Variants in BANK1 observed in about 807,000 individuals in gnomAD.
The protein encoded by BANK1 is B cell scaffold protein with ankyrin repeats 1, also known as B-cell scaffold protein with ankyrin repeats.
BANK1 carries 95 observed loss-of-function variants against 94.5 expected under a neutral mutation model. That is an observed-to-expected ratio of 1.00 (90% CI 0.85 to 1.19). The LOEUF (loss-of-function observed/expected upper bound fraction) is 1.19, where lower values mean the gene tolerates loss of function less well. BANK1 is among the 50% of genes most tolerant of loss of function. BANK1 has a pLI of 0.00. For synonymous variants in BANK1, 334 were observed against 308.4 expected (o/e 1.08, Z -0.87); for missense variants, 987 against 932.2 (o/e 1.06, Z -0.77).
intron 4 of BANK1, among the ~76,000 whole-genome samples, chr4:101,867,665 A>G (rs1007129453): frequency 5.3e-5 from 8 of 151,926 alleles, no homozygotes; most frequent in African/African-American, 1.9e-4. Flanking sequence ...TTAAAAATGT[A>G]TATTTCAAAC....
At chr4:101,825,671 C>T (rs1726336764) in intron 1 of BANK1, among the ~76,000 whole-genome samples, 1 of 151,972 alleles carries the variant, frequency 6.6e-6, no homozygotes, top group African/African-American at 2.4e-5. Context: ...AACTGCTTAG[C>T]AACATGCCTG....
chr4:101,898,293 A>G (rs754897055), intron 6 of BANK1, among the ~76,000 whole-genome samples: 2 of 151,920 alleles, frequency 1.3e-5, no homozygotes, highest in Non-Finnish European at 2.9e-5. Flanking sequence ...TGTGTTTCAT[A>G]ATGTTCAAGT....
At chr4:101,885,491 C>T (rs1728819019) in intron 5 of BANK1, among the ~76,000 whole-genome samples, 1 of 152,174 alleles carries the variant, frequency 6.6e-6, no homozygotes, top group Non-Finnish European at 1.5e-5. Flanking sequence ...TTTTCCAGTT[C>T]CCCCTTTATT....
rs1469284178 is a variant in BANK1 at position 102,007,126 on chromosome 4, A to G, written c.1207-14388A>G. 1.6e-4 allele frequency among the ~76,000 whole-genome samples: 11 copies of G among 67,988 alleles called. 3 individuals are homozygous for G. The highest frequency in any genetic ancestry group is 2.2e-4 in the Non-Finnish European group (8 of 35,742). 44.6% of individuals were successfully genotyped at this position (67,988 alleles called of 152,430 possible). ...ATATATATATAAATATATATTTTAT[A>G]TATATATAAAAAATATATTTTATAT... On this transcript the variant is annotated intron_variant, in intron 7 of 16. Coordinates refer to ENST00000322953, the MANE Select transcript of BANK1 (RefSeq NM_017935.5).
chr4:101,812,275 GTC>G (rs1166360819), intron 1 of BANK1, among the ~76,000 whole-genome samples: 15 of 151,910 alleles, frequency 9.9e-5, no homozygotes, highest in African/African-American at 3.6e-4. Context: ...ATTTTTAAGT[GTC>G]TGTTGCTGAT....
Position 101,957,054 on chromosome 4 carries a change from C to T in BANK1, c.1206+38865C>T, listed in dbSNP as rs562238420. Among the ~76,000 whole-genome samples, 18 of 152,262 alleles carry T rather than the reference C, an allele frequency of 1.2e-4. 1 individual carries two copies. Among genetic ancestry groups the T allele is most frequent in the African/African-American group, 3.6e-4 (15 of 41,556 alleles). On this transcript the variant is annotated intron_variant, in intron 7 of 16. Coordinates refer to ENST00000322953, the MANE Select transcript of BANK1 (RefSeq NM_017935.5). ...TTTTTATTTTCCTATGATAGTATAG[C>T]GAGTGAATCCATTCCCTTCTATCAG...
At chr4:101,823,359 A>G (rs1385564625) in intron 1 of BANK1, among the ~76,000 whole-genome samples, 1 of 152,244 alleles carries the variant, frequency 6.6e-6, no homozygotes, top group Non-Finnish European at 1.5e-5. Context: ...GAATATATAT[A>G]CTTACCTTTG....
chr4:101,980,609 CT>C (rs1437460557), intron 7 of BANK1, among the ~76,000 whole-genome samples: 1 of 151,656 alleles, frequency 6.6e-6, no homozygotes, highest in Non-Finnish European at 1.5e-5. Flanking sequence ...TTAGAAAAAC[CT>C]TGTGTATTTA....
intron 4 of BANK1, among the ~76,000 whole-genome samples, chr4:101,864,570 C>T (rs1321736046): frequency 6.6e-6 from 1 of 152,158 alleles, no homozygotes; most frequent in Non-Finnish European, 1.5e-5. Flanking sequence ...GTGTTAGATG[C>T]AGGTGTGATA....
At chr4:101,920,032 C>A (rs1313834845) in intron 7 of BANK1, among the ~76,000 whole-genome samples, 3 of 151,958 alleles carry the variant, frequency 2.0e-5, no homozygotes, top group Admixed American at 1.3e-4. Context: ...GAAGTCATAT[C>A]TTCTGAGTGA....
chr4:101,975,799 A>G (rs1481444390), intron 7 of BANK1, among the ~76,000 whole-genome samples: 1 of 152,140 alleles, frequency 6.6e-6, no homozygotes, highest in Non-Finnish European at 1.5e-5. Context: ...GATGTGGCAA[A>G]TGATCAATCA....
chr4:102,022,891 T>G (rs575526099), intron 8 of BANK1, among the ~76,000 whole-genome samples: 7 of 152,340 alleles, frequency 4.6e-5, no homozygotes, highest in African/African-American at 1.7e-4. Context: ...ATTTGCACTT[T>G]CTATTCCTTC....
intron 2 of BANK1, among the ~76,000 whole-genome samples, chr4:101,846,745 C>T (rs1378387455): frequency 6.6e-6 from 1 of 152,084 alleles, no homozygotes; most frequent in Non-Finnish European, 1.5e-5. Flanking sequence ...GGAAACCACC[C>T]CCGTGATCTA....
intron 2 of BANK1, among the ~76,000 whole-genome samples, chr4:101,841,815 C>G (rs1295196127): frequency 7.1e-6 from 1 of 140,144 alleles, no homozygotes; most frequent in Non-Finnish European, 1.5e-5. Context: ...GCAATGTTCC[C>G]CTTCCTGTGT....
rs199754423 is a variant in BANK1 at position 101,950,066 on chromosome 4, T to C, written c.1206+31877T>C. ...GTGTGTGTGTGTGTGTGTGTGCGCG[T>C]GCGCGCGCATGTGCCTACACAAATG... On this transcript the variant is annotated intron_variant, in intron 7 of 16. Coordinates refer to ENST00000322953, the MANE Select transcript of BANK1 (RefSeq NM_017935.5). Among the ~76,000 whole-genome samples, 918 of 121,940 alleles carry C rather than the reference T, an allele frequency of 7.5e-3. 6 individuals carry two copies. Among genetic ancestry groups the C allele is most frequent in the Admixed American group, 0.014 (180 of 12,830 alleles). 80.0% of individuals were successfully genotyped at this position (121,940 alleles called of 152,430 possible). A position where few individuals can be genotyped will look rare whatever the true frequency, so the allele number is the denominator to read the frequency against.
intron 7 of BANK1, among the ~76,000 whole-genome samples, chr4:101,949,344 C>T (rs1305685021): frequency 6.6e-6 from 1 of 152,096 alleles, no homozygotes; most frequent in African/African-American, 2.4e-5. Flanking sequence ...AACCAATACA[C>T]AAGGACAGAA....
chr4:102,004,114 A>C (rs984536134), intron 7 of BANK1, among the ~76,000 whole-genome samples: 6 of 152,026 alleles, frequency 3.9e-5, no homozygotes, highest in African/African-American at 1.4e-4. Context: ...TTTATCATCT[A>C]TCTGCCCTCC....
Position 102,074,538 on chromosome 4 carries a change from A to G in BANK1, c.*539A>G, listed in dbSNP as rs1444780375. The G allele has an allele frequency of 6.6e-6, 1 of 152,046 alleles. No homozygotes were observed. The highest frequency in any genetic ancestry group is 2.4e-5 in the African/African-American group (1 of 41,442). 9.4% of individuals were successfully genotyped at this position (152,046 alleles called of 1,614,324 possible). ...CTTATTTAGTGTCTATTTGCATATA[A>G]CCCTGAAAACATTATTATTTGAAAA... On this transcript the variant is annotated 3_prime_UTR_variant, in exon 17 of 17. Transcript: ENST00000322953.
intron 2 of BANK1, among the ~76,000 whole-genome samples, chr4:101,849,630 T>G (rs981913383): frequency 3.3e-5 from 5 of 152,082 alleles, no homozygotes; most frequent in Admixed American, 1.3e-4. Context: ...ATAAAAAAAT[T>G]TATGTGTGTG....
Sources: gnomAD v4.1 joint callset for allele counts (sites outside exome capture counted in the v4.1 genomes callset) on GRCh38, gnomAD v4.1.1 for gene constraint, MANE v1.5 for transcripts, NCBI Gene and HGNC (gene_info 2026-07-23, HGNC 2026-07-21) for gene names.